Variants in PCCA observed in about 807,000 individuals in gnomAD.
PCCA encodes the protein propionyl-CoA carboxylase alpha chain, mitochondrial.
A neutral mutation model predicts 101.3 loss-of-function variants in PCCA; 74 were observed. The ratio of observed to expected loss-of-function variants is 0.73; its 90% CI spans 0.61 to 0.89. PCCA has a LOEUF of 0.89. Ranked by LOEUF, PCCA falls within the 40% of genes least tolerant of loss-of-function variation. The pLI, the probability that PCCA is intolerant of heterozygous loss-of-function variation, is 0.00. For missense variants in PCCA, 891 were observed against 907.0 expected (o/e 0.98, Z 0.23); for synonymous variants, 294 against 313.6 (o/e 0.94, Z 0.66).
rs2052135393 is a variant in PCCA, at chr13:100,143,424, A to G, written c.301-11555A>G. Among the ~76,000 whole-genome samples, 3 of 151,840 alleles carry G rather than the reference A, an allele frequency of 2.0e-5. No individual in the cohort carries two copies. In the South Asian group the frequency reaches 6.2e-4, roughly 32 times the overall value. On this transcript the variant is annotated intron_variant, in intron 4 of 23. Transcript: ENST00000376285. ...GTGGTGCACGCCTGTAGTCCCAGCT[A>G]CTTGGGAGGCTGAGGCATGAGAATT...
At chr13:100,269,092 C>G (rs916169458) in intron 11 of PCCA, among the ~76,000 whole-genome samples, 5 of 152,200 alleles carry the variant, frequency 3.3e-5, no homozygotes, top group African/African-American at 1.2e-4. Flanking sequence ...AAAAGATTAG[C>G]CCACCTCAGC....
chr13:100,479,071 T>A (rs916111224), intron 21 of PCCA, among the ~76,000 whole-genome samples: 3 of 152,174 alleles, frequency 2.0e-5, no homozygotes, highest in Admixed American at 1.3e-4. Context: ...TAATCATCAG[T>A]CATAGCCCCA....
At chr13:100,118,844 C>T (rs1201628609) in intron 4 of PCCA, among the ~76,000 whole-genome samples, 1 of 152,070 alleles carries the variant, frequency 6.6e-6, no homozygotes, top group Admixed American at 6.5e-5. Flanking sequence ...CCACCGTACC[C>T]CAGCCAGTAA....
intron 6 of PCCA, among the ~76,000 whole-genome samples, chr13:100,181,417 CT>C (rs898782776): frequency 3.3e-5 from 5 of 152,088 alleles, no homozygotes; most frequent in Non-Finnish European, 5.9e-5. Flanking sequence ...TTGATTCTTT[CT>C]TTCTTTCTTC....
At chr13:100,091,155 A>T (rs1372015086) in intron 1 of PCCA, among the ~76,000 whole-genome samples, 1 of 152,148 alleles carries the variant, frequency 6.6e-6, no homozygotes, top group African/African-American at 2.4e-5. Flanking sequence ...CTTATAGATC[A>T]CATTATGAGG....
At chr13:100,282,608 G>A (rs1034697062) in intron 12 of PCCA, among the ~76,000 whole-genome samples, 3 of 152,196 alleles carry the variant, frequency 2.0e-5, no homozygotes, top group African/African-American at 7.2e-5. Context: ...TCCCCCAGCA[G>A]TGCCAGCCCA....
At position 100,336,723 on chromosome 13, in the gene PCCA, C is replaced by T. The variant is rs2070514736; in HGVS notation, c.1541-3434C>T. On this transcript the variant is annotated intron_variant, in intron 17 of 23. Transcript: ENST00000376285. ...TCAAAAAGCCTAAGGCTTTTAGAAC[C>T]AAGAGTTGCAGCTTTTTCCAGCCAT... Among the ~76,000 whole-genome samples the T allele has an allele frequency of 2.0e-5, 3 of 152,222 alleles. No individual in the cohort carries two copies. The South Asian group carries it at 6.2e-4, about 32-fold the overall frequency.
intron 12 of PCCA, among the ~76,000 whole-genome samples, chr13:100,278,157 G>T (rs1202359475): frequency 6.6e-6 from 1 of 152,138 alleles, no homozygotes; most frequent in Non-Finnish European, 1.5e-5. Context: ...TTATAACTAA[G>T]TATGTCTAAT....
intron 16 of PCCA, among the ~76,000 whole-genome samples, chr13:100,328,144 C>A (rs1381842483): frequency 6.6e-6 from 1 of 152,086 alleles, no homozygotes; most frequent in African/African-American, 2.4e-5. Context: ...GCGGGCAGAT[C>A]ACGAGGTCAG....
At chr13:100,392,784 TTTAATGAA>T (rs1315490707) in intron 19 of PCCA, among the ~76,000 whole-genome samples, 1 of 152,174 alleles carries the variant, frequency 6.6e-6, no homozygotes, top group Non-Finnish European at 1.5e-5. Context: ...CATGTAGCGT[TTTAATGAA>T]TTCACATTTG....
chr13:100,194,993 ATAT>A (rs2058018386), intron 6 of PCCA, among the ~76,000 whole-genome samples: 2 of 152,224 alleles, frequency 1.3e-5, no homozygotes, highest in Admixed American at 1.3e-4. Context: ...AACTGGAAAA[ATAT>A]TATTTTGCAA....
intron 21 of PCCA, among the ~76,000 whole-genome samples, chr13:100,467,768 C>A (rs1471521312): frequency 2.0e-5 from 3 of 152,200 alleles, no homozygotes; most frequent in African/African-American, 7.2e-5. Flanking sequence ...ACTTCTTGAA[C>A]CCCTCAAAGT....
At chr13:100,138,263 T>A (rs545730387) in intron 4 of PCCA, among the ~76,000 whole-genome samples, 1 of 152,350 alleles carries the variant, frequency 6.6e-6, no homozygotes, top group East Asian at 1.9e-4. Flanking sequence ...TCTCGTGTAG[T>A]TTTTCTTCAA....
intron 21 of PCCA, among the ~76,000 whole-genome samples, chr13:100,451,100 CT>C (rs2081192072): frequency 6.6e-6 from 1 of 152,176 alleles, no homozygotes; most frequent in South Asian, 2.1e-4. Context: ...GGCTGAAGCC[CT>C]CCTTGCTTGG....
At chr13:100,411,074 G>T (rs936475493) in intron 19 of PCCA, among the ~76,000 whole-genome samples, 1 of 151,998 alleles carries the variant, frequency 6.6e-6, no homozygotes, top group Non-Finnish European at 1.5e-5. Context: ...GGAATCAGAG[G>T]TATCAATGTG....
rs1237469778 is a variant in PCCA, at chr13:100,240,484, T to A, written c.637+4606T>A. Among the ~76,000 whole-genome samples, 7 of 152,022 alleles carry A rather than the reference T, an allele frequency of 4.6e-5. No individual in the cohort carries two copies. In the East Asian group the frequency reaches 1.4e-3, roughly 29 times the overall value. ...GCAGTCTTTCATATCTTAGCCTAAG[T>A]ATCATGTCTTCAAGAGAAGATTCTC... On this transcript the variant is annotated intron_variant, in intron 8 of 23. Coordinates refer to ENST00000376285, the MANE Select transcript of PCCA (RefSeq NM_000282.4).
At chr13:100,325,186 A>G (rs1000597871) in intron 16 of PCCA, among the ~76,000 whole-genome samples, 4 of 152,158 alleles carry the variant, frequency 2.6e-5, no homozygotes, top group African/African-American at 9.7e-5. Context: ...TTTGTGAAAC[A>G]CCTTTCATTT....
At chr13:100,115,504 G>T (rs1184458845) in intron 4 of PCCA, among the ~76,000 whole-genome samples, 3 of 152,160 alleles carry the variant, frequency 2.0e-5, no homozygotes, top group Non-Finnish European at 4.4e-5. Flanking sequence ...ATTATACATT[G>T]TATGCTTGTA....
At chr13:100,322,570 A>G (rs1042775014) in intron 16 of PCCA, among the ~76,000 whole-genome samples, 3 of 145,330 alleles carry the variant, frequency 2.1e-5, no homozygotes, top group Non-Finnish European at 4.6e-5. Flanking sequence ...CTTTTTTTTA[A>G]TTTTTTTTTT....
Sources: allele counts gnomAD v4.1 joint callset (sites outside exome capture counted in the v4.1 genomes callset), GRCh38; gene constraint gnomAD v4.1.1; transcripts MANE v1.5; gene names NCBI Gene and HGNC (gene_info 2026-07-23, HGNC 2026-07-21).